The following BIRC6 variants were observed in gnomAD, a reference collection of about 807,000 sequenced individuals.
BIRC6 encodes the protein dual E2 ubiquitin-conjugating enzyme/E3 ubiquitin-protein ligase BIRC6.
BIRC6 carries 98 observed loss-of-function variants against 503.3 expected under a neutral mutation model. That is an observed-to-expected ratio of 0.19 (90% CI 0.17 to 0.23). BIRC6 has a LOEUF of 0.23. BIRC6 is among the 10% of genes least tolerant of loss of function. The probability of loss-of-function intolerance (pLI) is 1.00; values close to 1 mark genes in which losing one functional copy is unlikely to be tolerated. For synonymous variants in BIRC6, 2,240 were observed against 2,078.7 expected (o/e 1.08, Z -2.11); for missense variants, 5,360 against 5,806.0 (o/e 0.92, Z 2.50).
intron 72 of BIRC6, among the ~76,000 whole-genome samples, chr2:32,609,656 C>T (rs562205387): frequency 7.9e-5 from 12 of 151,360 alleles, no homozygotes; most frequent in Non-Finnish European, 1.5e-4. Flanking sequence ...AATTTATATT[C>T]CAGTGTCCTT....
At chr2:32,402,573 A>G (rs376904035) in intron 8 of BIRC6, among the ~76,000 whole-genome samples, 1 of 152,224 alleles carries the variant, frequency 6.6e-6, no homozygotes, top group Non-Finnish European at 1.5e-5. Flanking sequence ...AATTTACAAT[A>G]TATGTGTTAC....
In BIRC6 at chr2:32,401,205, A is replaced by G; in HGVS notation, c.1077A>G (p.Lys359=). 6.2e-7 allele frequency: 1 copy of G among 1,614,042 alleles called. No individual in the cohort carries two copies. The highest frequency in any genetic ancestry group is 8.5e-7 in the Non-Finnish European group (1 of 1,179,890). Residue 359 remains lysine (K), a synonymous_variant, in exon 7 of 74, where the codon AAA becomes AAG. Coordinates refer to ENST00000421745, the MANE Select transcript of BIRC6 (RefSeq NM_016252.4). The part of the protein sequence containing the change: ...ERHSPNCPFV[K]GEHTQNVPLS... ...ATTCCCCAAACTGCCCATTTGTGAA[A>G]GGTGAGCACACACAGAATGTGCCAT...
In BIRC6 at chr2:32,471,219, C is replaced by T. The variant is rs184746854; in HGVS notation, c.6592+95C>T. 114 of 1,474,804 alleles carry T rather than the reference C, an allele frequency of 7.7e-5. No homozygotes were observed. The African/African-American group carries it at 1.5e-3, about 20-fold the overall frequency. The allele number at this position is 1,474,804 out of a possible 1,614,324, so 91.4% of individuals were successfully genotyped here. On this transcript the variant is annotated intron_variant, in intron 32 of 73. Transcript: ENST00000421745. Reference sequence around the variant, plus strand: ...GACTTCGCAGTTGTTCCAGAACTGGCTATTGGCCTGGAGCTACCAGCTGTA... The same window carrying T: ...GACTTCGCAGTTGTTCCAGAACTGGTTATTGGCCTGGAGCTACCAGCTGTA...
intron 65 of BIRC6, among the ~76,000 whole-genome samples, chr2:32,571,942 C>T (rs1391732171): frequency 1.3e-5 from 2 of 152,086 alleles, no homozygotes; most frequent in African/African-American, 4.8e-5. Context: ...TCATTCATTT[C>T]AAAAAATTTT....
At chr2:32,441,084 T>C (rs1178093136) in intron 16 of BIRC6, among the ~76,000 whole-genome samples, 1 of 152,144 alleles carries the variant, frequency 6.6e-6, no homozygotes, top group African/African-American at 2.4e-5. Flanking sequence ...ACTTTGGTTT[T>C]ATCATCTGTA....
At chr2:32,528,890 T>A (rs1006643763) in intron 59 of BIRC6, 2 of 152,142 alleles carry the variant, frequency 1.3e-5, no homozygotes, top group Admixed American at 6.5e-5. Context: ...AATTTTGTGT[T>A]TCCACTTGGA....
intron 64 of BIRC6, 55 bp downstream of exon 64, chr2:32,548,069 T>C: frequency 7.1e-7 from 1 of 1,404,990 alleles, no homozygotes. Context: ...TTGTATTTAT[T>C]ATTTTAAAAT....
In BIRC6 at chr2:32,505,150, T is replaced by A; in HGVS notation, c.9645T>A (p.Pro3215=). 3 of 1,598,416 alleles carry A rather than the reference T, an allele frequency of 1.9e-6. No homozygotes were observed. The highest frequency in any genetic ancestry group is 2.6e-6 in the Non-Finnish European group (3 of 1,171,898). The change falls in exon 50 of 74, where the codon CCT becomes CCA. Residue 3215 remains proline, a synonymous_variant. Coordinates refer to ENST00000421745, the MANE Select transcript of BIRC6 (RefSeq NM_016252.4). ...GGTGTGACCTTACCATTCACCTTCC[T>A]GCAGCAGTGCTGCTTAAGGAGATAC... ...EAWCDLTIHL[P]AAVLLKEIHI...
chr2:32,359,681 A>T (rs1474335462), intron 1 of BIRC6, among the ~76,000 whole-genome samples: 1 of 152,184 alleles, frequency 6.6e-6, no homozygotes, highest in African/African-American at 2.4e-5. Flanking sequence ...TTAACAATGG[A>T]TGCATTCTGA....
chr2:32,465,321 T>G (rs1013739309), intron 26 of BIRC6, among the ~76,000 whole-genome samples, 157 bp downstream of exon 26: 5 of 150,226 alleles, frequency 3.3e-5, no homozygotes, highest in African/African-American at 1.2e-4. Flanking sequence ...AATAAGCACT[T>G]ACATGTTCAA....
chr2:32,519,067 C>A, intron 57 of BIRC6, 121 bp downstream of exon 57: 1 of 957,512 alleles, frequency 1.0e-6, no homozygotes, highest in Non-Finnish European at 1.5e-6. Flanking sequence ...TAGGAAAGTT[C>A]AAGACATCTT....
chr2:32,571,600 C>T (rs1255910387), intron 65 of BIRC6, among the ~76,000 whole-genome samples: 2 of 151,734 alleles, frequency 1.3e-5, no homozygotes, highest in Non-Finnish European at 2.9e-5. Context: ...CAGTTGTATT[C>T]CTTTTTCATT....
intron 43 of BIRC6, among the ~76,000 whole-genome samples, chr2:32,490,540 A>G (rs1053962824): frequency 6.6e-6 from 1 of 152,160 alleles, no homozygotes; most frequent in African/African-American, 2.4e-5. Context: ...GTCTCCAATA[A>G]AAGTGACTGA....
At chr2:32,535,440 C>T (rs1289838298) in intron 61 of BIRC6, among the ~76,000 whole-genome samples, 1 of 152,130 alleles carries the variant, frequency 6.6e-6, no homozygotes, top group Non-Finnish European at 1.5e-5. Flanking sequence ...TCTCCTAATG[C>T]TATCCGTCTC....
chr2:32,417,370 C>T (rs1183967772), intron 10 of BIRC6, among the ~76,000 whole-genome samples: 4 of 152,134 alleles, frequency 2.6e-5, no homozygotes, highest in Admixed American at 2.6e-4. Flanking sequence ...TCTCAAACTC[C>T]TGAGTTCAAG....
rs866952042 is a variant in BIRC6 at position 32,463,166 on chromosome 2, T to C, written c.4754-28T>C. 3.9e-6 allele frequency: 6 copies of C among 1,556,784 alleles called. No individual in the cohort carries two copies. The African/African-American group carries it at 4.1e-5, about 11-fold the overall frequency. On this transcript the variant is annotated intron_variant, in intron 23 of 73. Transcript: ENST00000421745. ...TTTCTTCATCCTGGTGTTTTTTGTT[T>C]TTGTTTTTACCCCTTGTCTTATGCC...
intron 9 of BIRC6, among the ~76,000 whole-genome samples, chr2:32,412,821 C>T (rs187777208): frequency 1.3e-5 from 2 of 151,820 alleles, no homozygotes; most frequent in African/African-American, 4.8e-5. Flanking sequence ...TTTTGCATAG[C>T]GCATAAATGA....
intron 9 of BIRC6, among the ~76,000 whole-genome samples, chr2:32,409,348 GC>G (rs1316481283): frequency 6.6e-6 from 1 of 151,950 alleles, no homozygotes; most frequent in Non-Finnish European, 1.5e-5. Flanking sequence ...TAGAGATAGG[GC>G]TTCACCATGT....
intron 11 of BIRC6, among the ~76,000 whole-genome samples, chr2:32,429,857 C>G (rs2043906757): frequency 6.6e-6 from 1 of 152,052 alleles, no homozygotes. Context: ...TTGAGTTAAC[C>G]AAGGTGTCTT....
Sources: gnomAD v4.1 joint callset for allele counts (sites outside exome capture counted in the v4.1 genomes callset) on GRCh38, gnomAD v4.1.1 for gene constraint, MANE v1.5 for transcripts, NCBI Gene and HGNC (gene_info 2026-07-23, HGNC 2026-07-21) for gene names.